The following PDK1 variants were observed in gnomAD, a reference collection of about 807,000 sequenced individuals.
PDK1 encodes pyruvate dehydrogenase kinase 1.
PDK1 carries 39 observed loss-of-function variants against 54.2 expected under a neutral mutation model. The ratio of observed to expected loss-of-function variants is 0.72; its 90% CI spans 0.56 to 0.94. PDK1 has a LOEUF of 0.94. Ranked by LOEUF, PDK1 falls within the 40% of genes least tolerant of loss-of-function variation. The pLI is 0.00. For synonymous variants in PDK1, 221 were observed against 207.1 expected, an observed-to-expected ratio of 1.07 and a Z score of -0.58; for missense variants, 552 against 566.0, an observed-to-expected ratio of 0.98 and a Z score of 0.25.
At chr2:172,648,426 C>T in the PDK1 span, among the ~76,000 whole-genome samples, 8 of 152,140 alleles carry the variant, frequency 5.3e-5, no homozygotes, top group African/African-American at 1.7e-4. Context: ...CAGCTTCCAG[C>T]GTGAGCAATG....
At chr2:172,587,079 C>A (rs974106916) in intron 9 of PDK1, among the ~76,000 whole-genome samples, 1 of 152,160 alleles carries the variant, frequency 6.6e-6, no homozygotes. Context: ...GGGTATAGTA[C>A]AAGATAGATC....
chr2:172,686,672 C>T, the PDK1 span, among the ~76,000 whole-genome samples: 1 of 152,230 alleles, frequency 6.6e-6, no homozygotes, highest in South Asian at 2.1e-4. Context: ...CTTGCTGCTG[C>T]TCACTGTCTG....
chr2:172,620,076 G>T, the PDK1 span, among the ~76,000 whole-genome samples: 1 of 152,242 alleles, frequency 6.6e-6, no homozygotes, highest in Non-Finnish European at 1.5e-5. Context: ...TGAGGCAGGA[G>T]AATTGCTTGA....
Position 172,560,379 on chromosome 2 carries a change from G to A in PDK1, c.338+1530G>A, listed in dbSNP as rs1462928222. Among the ~76,000 whole-genome samples, 3 of 152,184 alleles carry A rather than the reference G, an allele frequency of 2.0e-5. No individual in the cohort carries two copies. The South Asian group carries it at 6.2e-4, about 32-fold the overall frequency. ...ATGGGGGTCTCACTTTTTTGCCCAG[G>A]CAGGTTGTGAACTCCTGGGCTCAAG... On this transcript the variant is annotated intron_variant, in intron 2 of 10. Coordinates refer to ENST00000282077, the MANE Select transcript of PDK1 (RefSeq NM_002610.5).
chr2:172,563,501 AT>A (rs1688765265), intron 3 of PDK1, among the ~76,000 whole-genome samples: 1 of 152,188 alleles, frequency 6.6e-6, no homozygotes, highest in African/African-American at 2.4e-5. Context: ...GTAAATTCAG[AT>A]GGGTTATGTT....
intron 8 of PDK1, among the ~76,000 whole-genome samples, chr2:172,585,432 T>C (rs1690170654): frequency 6.7e-6 from 1 of 148,822 alleles, no homozygotes; most frequent in Non-Finnish European, 1.5e-5. Context: ...TTCAAGCAAT[T>C]GTTCTGCCTC....
chr2:172,721,478 CAGG>C, the PDK1 span, among the ~76,000 whole-genome samples: 2 of 152,138 alleles, frequency 1.3e-5, no homozygotes, highest in African/African-American at 4.8e-5. Flanking sequence ...GCTGGGATTA[CAGG>C]CATGTGCCAC....
chr2:172,645,300 T>G, the PDK1 span, among the ~76,000 whole-genome samples: 3 of 123,416 alleles, frequency 2.4e-5, no homozygotes, highest in African/African-American at 9.5e-5. Flanking sequence ...AGATAGAGTC[T>G]CATTCTGTGG....
the PDK1 span, among the ~76,000 whole-genome samples, chr2:172,654,175 T>A: frequency 6.6e-6 from 1 of 152,250 alleles, no homozygotes; most frequent in African/African-American, 2.4e-5. Context: ...TTGGTGGGAC[T>A]GTAAACTAGT....
chr2:172,576,062 G>C (rs1449845046), intron 8 of PDK1, among the ~76,000 whole-genome samples: 1 of 151,946 alleles, frequency 6.6e-6, no homozygotes, highest in Non-Finnish European at 1.5e-5. Flanking sequence ...CGAGTAGCTA[G>C]GACTGCAGGC....
the PDK1 span, among the ~76,000 whole-genome samples, chr2:172,720,609 A>G: frequency 6.6e-6 from 1 of 152,136 alleles, no homozygotes; most frequent in Non-Finnish European, 1.5e-5. Context: ...ATCTTTGGCA[A>G]ATCTTCTATG....
chr2:172,591,219 C>T (rs532453971), intron 9 of PDK1, among the ~76,000 whole-genome samples: 5 of 152,294 alleles, frequency 3.3e-5, no homozygotes, highest in East Asian at 1.9e-4. Flanking sequence ...TGAGTAATAG[C>T]AAGATGGCTG....
chr2:172,591,271 C>T (rs1690563063), intron 9 of PDK1, among the ~76,000 whole-genome samples: 2 of 152,150 alleles, frequency 1.3e-5, no homozygotes, highest in African/African-American at 4.8e-5. Flanking sequence ...TGCCCAACTC[C>T]AGAGGTTGGT....
the PDK1 span, among the ~76,000 whole-genome samples, chr2:172,702,202 C>T: frequency 0.051 from 7,713 of 152,010 alleles, 389 homozygotes; most frequent in African/African-American, 0.13. Context: ...GATGGCCGGG[C>T]GCAGTGGTTC....
the PDK1 span, among the ~76,000 whole-genome samples, chr2:172,696,115 T>C: frequency 9.1e-5 from 13 of 143,206 alleles, no homozygotes; most frequent in African/African-American, 2.6e-4. Context: ...GAGGTTGCAG[T>C]GAGCCAAGAT....
chr2:172,713,820 C>T, the PDK1 span, among the ~76,000 whole-genome samples: 7 of 151,912 alleles, frequency 4.6e-5, no homozygotes, highest in Admixed American at 4.6e-4. Flanking sequence ...TGGATCCCGT[C>T]TGTTCCCGGC....
chr2:172,651,501 A>G, the PDK1 span, among the ~76,000 whole-genome samples: 3 of 152,180 alleles, frequency 2.0e-5, no homozygotes, highest in African/African-American at 7.2e-5. Flanking sequence ...TAGAGACCCA[A>G]AAAACCCTTC....
At chr2:172,717,843 A>G in the PDK1 span, among the ~76,000 whole-genome samples, 1 of 152,308 alleles carries the variant, frequency 6.6e-6, no homozygotes, top group East Asian at 1.9e-4. Flanking sequence ...AAAATGATTA[A>G]TGGAGCTCAC....
At chr2:172,580,644 C>T (rs1689853010) in intron 8 of PDK1, among the ~76,000 whole-genome samples, 1 of 152,134 alleles carries the variant, frequency 6.6e-6, no homozygotes, top group African/African-American at 2.4e-5. Flanking sequence ...TAGGCAAAAC[C>T]TTACACACAA....
Sources: gnomAD v4.1 joint callset for allele counts (sites outside exome capture counted in the v4.1 genomes callset) on GRCh38, gnomAD v4.1.1 for gene constraint, MANE v1.5 for transcripts, NCBI Gene and HGNC (gene_info 2026-07-23, HGNC 2026-07-21) for gene names.